Variants in GRIK2 observed in about 807,000 individuals in gnomAD.
The protein encoded by GRIK2 is glutamate ionotropic receptor kainate type subunit 2.
In GRIK2, 32 loss-of-function variants were observed where a neutral mutation model predicts 100.3. The observed-to-expected ratio is 0.32, with a 90% CI of 0.24 to 0.43. The LOEUF is 0.43. Among genes scored for constraint, GRIK2 ranks in the 20% least tolerant of loss-of-function variants. The probability of loss-of-function intolerance (pLI) is 1.00; values close to 1 mark genes in which losing one functional copy is unlikely to be tolerated. For synonymous variants in GRIK2, 417 were observed against 389.4 expected, an observed-to-expected ratio of 1.07 and a Z score of -0.83; for missense variants, 843 against 1,114.9, an observed-to-expected ratio of 0.76 and a Z score of 3.47.
At chr6:102,047,029 T>C (rs1046161915) in intron 15 of GRIK2, among the ~76,000 whole-genome samples, 1 of 151,974 alleles carries the variant, frequency 6.6e-6, no homozygotes, top group Non-Finnish European at 1.5e-5. Context: ...AGTAGAAACA[T>C]AATATATCAA....
At chr6:101,531,245 A>G (rs1775429179) in intron 2 of GRIK2, among the ~76,000 whole-genome samples, 1 of 151,912 alleles carries the variant, frequency 6.6e-6, no homozygotes. Flanking sequence ...GTCCCATATA[A>G]TTATACATAC....
At chr6:101,457,081 C>T (rs1771049240) in intron 2 of GRIK2, among the ~76,000 whole-genome samples, 1 of 152,054 alleles carries the variant, frequency 6.6e-6, no homozygotes, top group Non-Finnish European at 1.5e-5. Flanking sequence ...TGCATATATG[C>T]TTATGCTTAG....
chr6:101,663,138 C>T (rs1769754708), intron 4 of GRIK2, among the ~76,000 whole-genome samples: 1 of 152,110 alleles, frequency 6.6e-6, no homozygotes, highest in Non-Finnish European at 1.5e-5. Context: ...GCTCTTTCAT[C>T]AATGTCAACG....
intron 14 of GRIK2, among the ~76,000 whole-genome samples, chr6:101,961,648 G>A (rs1449747942): frequency 6.6e-6 from 1 of 152,100 alleles, no homozygotes; most frequent in African/African-American, 2.4e-5. Flanking sequence ...CAGCTCACAA[G>A]TGGGGAGCTC....
intron 10 of GRIK2, among the ~76,000 whole-genome samples, chr6:101,837,652 C>A (rs58930887): frequency 6.6e-6 from 1 of 152,000 alleles, no homozygotes; most frequent in South Asian, 2.1e-4. Flanking sequence ...TTAATCTCTG[C>A]GAATCTAGAG....
At chr6:102,004,933 G>T (rs999764207) in intron 14 of GRIK2, among the ~76,000 whole-genome samples, 7 of 150,822 alleles carry the variant, frequency 4.6e-5, no homozygotes, top group Admixed American at 4.0e-4. Context: ...AAATTATTAA[G>T]ATTTTAATAT....
chr6:101,944,621 GTTTGT>G (rs1265828099), intron 14 of GRIK2, among the ~76,000 whole-genome samples: 3 of 152,034 alleles, frequency 2.0e-5, no homozygotes, highest in South Asian at 2.1e-4. Context: ...AAAAATAATA[GTTTGT>G]TTTATGTTTT....
intron 14 of GRIK2, among the ~76,000 whole-genome samples, chr6:101,940,364 G>T (rs994810551): frequency 1.3e-5 from 2 of 152,092 alleles, no homozygotes; most frequent in Non-Finnish European, 2.9e-5. Context: ...TATTACCAAT[G>T]CCAGAGTGTA....
intron 2 of GRIK2, among the ~76,000 whole-genome samples, chr6:101,574,786 A>G (rs1777721630): frequency 6.6e-6 from 1 of 151,918 alleles, no homozygotes; most frequent in South Asian, 2.1e-4. Flanking sequence ...TCTAAGGTGT[A>G]AAATAACAGA....
chr6:101,637,058 C>T (rs1236556451), intron 4 of GRIK2, among the ~76,000 whole-genome samples: 1 of 151,972 alleles, frequency 6.6e-6, no homozygotes, highest in Non-Finnish European at 1.5e-5. Context: ...GTGTTACCTC[C>T]TTCTTTTTGG....
intron 14 of GRIK2, among the ~76,000 whole-genome samples, chr6:101,961,504 C>A (rs1042117458): frequency 2.6e-5 from 4 of 152,092 alleles, no homozygotes; most frequent in Non-Finnish European, 5.9e-5. Flanking sequence ...AGCTGTGGGT[C>A]GGCAGGCAGA....
intron 12 of GRIK2, among the ~76,000 whole-genome samples, chr6:101,896,753 C>A (rs1323253177): frequency 6.6e-6 from 1 of 151,634 alleles, no homozygotes; most frequent in Non-Finnish European, 1.5e-5. Context: ...GGAAAAATAT[C>A]TTGGCCAATG....
Position 101,872,304 on chromosome 6 carries a change from C to T in GRIK2, c.1524+12811C>T, listed in dbSNP as rs144732207. On this transcript the variant is annotated intron_variant, in intron 11 of 16. Transcript: ENST00000369134. The stretch of plus-strand genomic sequence containing the variant: ...GATTTATGAAGAAAAGAAGTTTAAT[C>T]GACTCACAGTTCCACATGGCTGGGG... Among the ~76,000 whole-genome samples the T allele has an allele frequency of 8.5e-3, 1,294 of 151,886 alleles. 14 individuals carry two copies. Among genetic ancestry groups the T allele is most frequent in the African/African-American group, 0.029 (1,203 of 41,466 alleles).
At chr6:101,485,403 TTTTC>T (rs1445129523) in intron 2 of GRIK2, among the ~76,000 whole-genome samples, 1 of 152,186 alleles carries the variant, frequency 6.6e-6, no homozygotes, top group African/African-American at 2.4e-5. Flanking sequence ...CTTTAATACT[TTTTC>T]TTTAACCTTC....
intron 2 of GRIK2, among the ~76,000 whole-genome samples, chr6:101,443,192 G>A (rs547390286): frequency 6.6e-6 from 1 of 152,176 alleles, no homozygotes; most frequent in African/African-American, 2.4e-5. Flanking sequence ...GTTACTTAAG[G>A]AACAAGGGGA....
intron 11 of GRIK2, among the ~76,000 whole-genome samples, chr6:101,877,997 A>C (rs1438218043): frequency 6.6e-6 from 1 of 151,120 alleles, no homozygotes; most frequent in Non-Finnish European, 1.5e-5. Flanking sequence ...AAAAAAGGGC[A>C]TTGATGAAAG....
chr6:101,519,300 CGTGTGTGTGT>C (rs55646921), intron 2 of GRIK2, among the ~76,000 whole-genome samples: 1,976 of 141,054 alleles, frequency 0.014, 33 homozygotes, highest in African/African-American at 0.047. Flanking sequence ...CGGAGTTAAA[CGTGTGTGTGT>C]GTGTGTGTGT....
chr6:101,833,831 TA>T (rs1467235074), intron 10 of GRIK2, among the ~76,000 whole-genome samples: 1 of 151,902 alleles, frequency 6.6e-6, no homozygotes, highest in Non-Finnish European at 1.5e-5. Flanking sequence ...GACTGCTCAA[TA>T]ATTACAATAT....
chr6:101,738,699 A>C (rs1775838131), intron 7 of GRIK2, among the ~76,000 whole-genome samples: 1 of 151,902 alleles, frequency 6.6e-6, no homozygotes. Context: ...TGGCTAGATA[A>C]CTCTTTGCTG....
Sources: gnomAD v4.1 joint callset for allele counts (sites outside exome capture counted in the v4.1 genomes callset) on GRCh38, gnomAD v4.1.1 for gene constraint, MANE v1.5 for transcripts, NCBI Gene and HGNC (gene_info 2026-07-23, HGNC 2026-07-21) for gene names.